The following DPYD variants were observed in gnomAD, a reference collection of about 807,000 sequenced individuals.
DPYD encodes dihydropyrimidine dehydrogenase, also known as dihydropyrimidine dehydrogenase [NADP(+)].
DPYD carries 109 observed loss-of-function variants against 116.2 expected under a neutral mutation model. The observed-to-expected ratio is 0.94, with a 90% confidence interval of 0.80 to 1.10. The LOEUF is 1.10. DPYD is among the 50% of genes least tolerant of loss of function. DPYD has a pLI of 0.00. For synonymous variants in DPYD, 440 were observed against 432.0 expected (o/e 1.02, Z -0.23); for missense variants, 1,302 against 1,254.5 (o/e 1.04, Z -0.57).
chr1:97,331,413 G>A (rs1244379933), intron 16 of DPYD, among the ~76,000 whole-genome samples: 2 of 152,108 alleles, frequency 1.3e-5, no homozygotes, highest in Admixed American at 6.5e-5. Context: ...AGGAGAGTTC[G>A]AGGTTACAGT....
At chr1:97,126,130 T>C (rs893515847) in intron 20 of DPYD, among the ~76,000 whole-genome samples, 2 of 152,096 alleles carry the variant, frequency 1.3e-5, no homozygotes, top group African/African-American at 4.8e-5. Context: ...AAGTGAGATT[T>C]GCTGTGCGTG....
intron 3 of DPYD, among the ~76,000 whole-genome samples, chr1:97,819,336 A>G (rs1421257845): frequency 6.6e-6 from 1 of 151,996 alleles, no homozygotes; most frequent in Non-Finnish European, 1.5e-5. Context: ...ATTAAAATAG[A>G]AAAGAGTTGA....
At chr1:97,507,369 T>C in intron 13 of DPYD, among the ~76,000 whole-genome samples, 1 of 151,898 alleles carries the variant, frequency 6.6e-6, no homozygotes. Flanking sequence ...TACTATGCAA[T>C]AAATAGAAAA....
At chr1:97,606,866 C>T (rs1557833262) in intron 8 of DPYD, among the ~76,000 whole-genome samples, 2 of 151,904 alleles carry the variant, frequency 1.3e-5, no homozygotes, top group South Asian at 4.1e-4. Context: ...TACTAGTAAC[C>T]TCCACTAACA....
intron 20 of DPYD, among the ~76,000 whole-genome samples, chr1:97,153,256 T>G (rs74326595): frequency 0.069 from 10,539 of 152,090 alleles, 617 homozygotes; most frequent in East Asian, 0.26. Context: ...TAGGTTCAGA[T>G]GGGGAAAAAG....
chr1:97,846,800 ACTTT>A (rs1378460278), intron 2 of DPYD, among the ~76,000 whole-genome samples: 6 of 152,196 alleles, frequency 3.9e-5, no homozygotes, highest in African/African-American at 1.4e-4. Flanking sequence ...ATCACATCAT[ACTTT>A]CTATTTTTTA....
At chr1:97,089,609 A>C (rs1043576614) in intron 21 of DPYD, among the ~76,000 whole-genome samples, 5 of 151,980 alleles carry the variant, frequency 3.3e-5, no homozygotes, top group Non-Finnish European at 5.9e-5. Context: ...ACTTCTTTTG[A>C]TACCCTCTTC....
chr1:97,450,031 CTT>C (rs1366312698), intron 14 of DPYD, 26 bp downstream of exon 14: 2 of 1,613,312 alleles, frequency 1.2e-6, no homozygotes, highest in African/African-American at 2.7e-5. Flanking sequence ...TGCCAATTCT[CTT>C]GTTTTAGATG....
chr1:97,564,134 C>A (rs1652358601), intron 11 of DPYD, among the ~76,000 whole-genome samples: 1 of 152,102 alleles, frequency 6.6e-6, no homozygotes, highest in African/African-American at 2.4e-5. Flanking sequence ...GCAATCGGTA[C>A]ACAGGATCTA....
At chr1:97,356,990 G>C (rs1670457427) in intron 16 of DPYD, among the ~76,000 whole-genome samples, 1 of 151,964 alleles carries the variant, frequency 6.6e-6, no homozygotes, top group Non-Finnish European at 1.5e-5. Context: ...GGACTGACTT[G>C]GCTATTCAGG....
At chr1:97,535,817 C>CA (rs1283202643) in intron 12 of DPYD, among the ~76,000 whole-genome samples, 1 of 151,966 alleles carries the variant, frequency 6.6e-6, no homozygotes. Context: ...ATGGATGTTA[C>CA]AAAAAATAAA....
chr1:97,740,399 G>C lies in DPYD; in HGVS notation c.314C>G (p.Ala105Gly). The change falls in exon 4 of 23, where the codon GCA becomes GGA. Residue 105 changes from alanine to glycine, a missense_variant. Transcript: ENST00000370192. The part of the protein sequence containing the change: ...LDIKSFITSI[A>G]NKNYYGAAKM... ...AGTTAAATCTGAATTTACCTTGTTT[G>C]CAATACTTGTGATGAATGATTTAAT... is the stretch of plus-strand genomic sequence containing the variant. 1.2e-6 allele frequency: 2 copies of C among 1,610,962 alleles called. No homozygotes were observed. Among genetic ancestry groups the C allele is most frequent in the Non-Finnish European group, 1.7e-6 (2 of 1,177,546 alleles).
intron 16 of DPYD, among the ~76,000 whole-genome samples, chr1:97,324,334 G>A (rs1349302197): frequency 2.6e-5 from 4 of 151,926 alleles, no homozygotes; most frequent in Admixed American, 2.6e-4. Flanking sequence ...ATTATTGCCT[G>A]GGTTATGGCA....
intron 14 of DPYD, among the ~76,000 whole-genome samples, chr1:97,388,179 G>C (rs1178139129): frequency 6.6e-6 from 1 of 152,074 alleles, no homozygotes; most frequent in African/African-American, 2.4e-5. Context: ...TTGAACTACT[G>C]AACTGTGGAA....
At chr1:97,549,530 A>C (rs1257862851) in intron 12 of DPYD, 30 bp downstream of exon 12, 1 of 1,610,832 alleles carries the variant, frequency 6.2e-7, no homozygotes, top group Non-Finnish European at 8.5e-7. Context: ...ATTGGAAAAG[A>C]ATTAAGTGGA....
In DPYD at chr1:97,629,878, T is replaced by A. The variant is rs1484694668; in HGVS notation, c.851-34712A>T. On this transcript the variant is annotated intron_variant, in intron 8 of 22. Transcript: ENST00000370192. ...TATACTGGGGGCTGTGAGAATTGAA[T>A]AAAATAATACAAATAACCACTAACC... Among the ~76,000 whole-genome samples, 3 of 152,014 alleles carry A rather than the reference T, an allele frequency of 2.0e-5. No individual in the cohort carries two copies. In the East Asian group the frequency reaches 5.8e-4, roughly 29 times the overall value.
intron 6 of DPYD, among the ~76,000 whole-genome samples, chr1:97,698,463 C>T (rs939051057): frequency 6.6e-5 from 10 of 151,736 alleles, no homozygotes; most frequent in Admixed American, 6.6e-4. Context: ...AGAAACTTCA[C>T]AAATTTTAGT....
At chr1:97,516,664 C>A (rs2101978764) in intron 12 of DPYD, among the ~76,000 whole-genome samples, 1 of 152,084 alleles carries the variant, frequency 6.6e-6, no homozygotes, top group South Asian at 2.1e-4. Context: ...TGCTTCTTTG[C>A]AGGATTATTG....
At chr1:97,471,064 T>C (rs1179380458) in intron 13 of DPYD, among the ~76,000 whole-genome samples, 2 of 152,002 alleles carry the variant, frequency 1.3e-5, no homozygotes, top group Admixed American at 6.6e-5. Flanking sequence ...GAGCTGGAGA[T>C]TGTGAGTGCA....
Sources: allele counts gnomAD v4.1 joint callset (sites outside exome capture counted in the v4.1 genomes callset), GRCh38; gene constraint gnomAD v4.1.1; transcripts MANE v1.5; gene names NCBI Gene and HGNC (gene_info 2026-07-23, HGNC 2026-07-21).